The following RIMS1 variants were observed in gnomAD, a reference collection of about 807,000 sequenced individuals.
The protein encoded by RIMS1 is regulating synaptic membrane exocytosis protein 1.
Under a neutral mutation model 214.1 loss-of-function variants are expected in RIMS1, and 83 were observed. The observed-to-expected ratio is 0.39, with a 90% CI of 0.32 to 0.47. The LOEUF (loss-of-function observed/expected upper bound fraction) is 0.47. RIMS1 is among the 20% of genes least tolerant of loss of function. RIMS1 has a pLI of 0.99. For missense variants in RIMS1, 2,050 were observed against 2,161.8 expected (o/e 0.95, Z 1.03); for synonymous variants, 793 against 786.8 (o/e 1.01, Z -0.13).
At chr6:72,137,008 G>A (rs998444440) in intron 4 of RIMS1, among the ~76,000 whole-genome samples, 2 of 151,774 alleles carry the variant, frequency 1.3e-5, no homozygotes, top group Non-Finnish European at 2.9e-5. Flanking sequence ...ATATAATAAG[G>A]CAATAAAATA....
chr6:71,995,514 GTGTT>G (rs919410267), intron 2 of RIMS1, among the ~76,000 whole-genome samples: 8 of 151,208 alleles, frequency 5.3e-5, no homozygotes, highest in African/African-American at 1.5e-4. Context: ...CTGCTTGTTT[GTGTT>G]TGTTTGTGTG....
At chr6:72,131,893 A>T (rs992805420) in intron 4 of RIMS1, among the ~76,000 whole-genome samples, 18 of 152,066 alleles carry the variant, frequency 1.2e-4, no homozygotes, top group Non-Finnish European at 1.6e-4. Flanking sequence ...TTTCCCAGGG[A>T]TGTTCCTTGC....
chr6:72,043,305 A>G (rs1295322182), intron 2 of RIMS1, among the ~76,000 whole-genome samples: 3 of 151,880 alleles, frequency 2.0e-5, no homozygotes, highest in Non-Finnish European at 4.4e-5. Flanking sequence ...TGATAAAGAA[A>G]GAGAAATGTT....
At chr6:72,120,166 C>A (rs555166531) in intron 4 of RIMS1, among the ~76,000 whole-genome samples, 12 of 151,968 alleles carry the variant, frequency 7.9e-5, no homozygotes, top group African/African-American at 2.6e-4. Context: ...TGGGTATATA[C>A]CCAGTAATGG....
intron 1 of RIMS1, among the ~76,000 whole-genome samples, chr6:71,916,017 G>A (rs4706496): frequency 3.9e-5 from 6 of 152,018 alleles, no homozygotes; most frequent in Admixed American, 1.3e-4. Flanking sequence ...ACCTCCCACC[G>A]GGTCCATCCC....
chr6:72,135,834 A>G (rs2041190944), intron 4 of RIMS1, among the ~76,000 whole-genome samples: 1 of 152,192 alleles, frequency 6.6e-6, no homozygotes, highest in African/African-American at 2.4e-5. Context: ...CAGTCAGTCA[A>G]GGTACCTACC....
At chr6:72,183,190 T>G in intron 6 of RIMS1, 41 bp downstream of exon 6, 3 of 1,567,866 alleles carry the variant, frequency 1.9e-6, no homozygotes, top group Non-Finnish European at 2.6e-6. Flanking sequence ...TTCAGCCAAG[T>G]GAAGAGGCGT....
chr6:72,276,814 T>A (rs1280678366), intron 23 of RIMS1, among the ~76,000 whole-genome samples: 1 of 152,216 alleles, frequency 6.6e-6, no homozygotes, highest in Non-Finnish European at 1.5e-5. Context: ...TGGCAAATCG[T>A]AATGAACGTT....
At chr6:72,138,124 G>A (rs1283607484) in intron 4 of RIMS1, among the ~76,000 whole-genome samples, 2 of 151,930 alleles carry the variant, frequency 1.3e-5, no homozygotes, top group Admixed American at 6.6e-5. Context: ...CAAAAAGGTA[G>A]GTAGACTTTC....
At chr6:72,298,592 C>T (rs914491540) in intron 26 of RIMS1, among the ~76,000 whole-genome samples, 1 of 151,942 alleles carries the variant, frequency 6.6e-6, no homozygotes, top group Non-Finnish European at 1.5e-5. Context: ...TTTTTTCACC[C>T]CTGTTTTATT....
chr6:72,343,049 T>C lies in RIMS1; in HGVS notation c.4366+9214T>C, dbSNP rs148650151. ...ATAAAATCCTGCTGAGCAGCACTTATCCAGCTAAGTTTGGATAATGCAAGT... is the reference window on the plus strand; with the variant it reads ...ATAAAATCCTGCTGAGCAGCACTTACCCAGCTAAGTTTGGATAATGCAAGT... On this transcript the variant is annotated intron_variant, in intron 29 of 33. Coordinates refer to ENST00000521978, the MANE Select transcript of RIMS1 (RefSeq NM_014989.7). Among the ~76,000 whole-genome samples, 1,174 of 151,910 alleles carry C rather than the reference T, an allele frequency of 7.7e-3. 9 individuals carry two copies. The highest frequency in any genetic ancestry group is 0.031 in the South Asian group (148 of 4,812).
chr6:72,070,144 G>A (rs370887785), intron 2 of RIMS1, among the ~76,000 whole-genome samples: 1 of 151,764 alleles, frequency 6.6e-6, no homozygotes, highest in East Asian at 1.9e-4. Context: ...AAGATTCTAG[G>A]GACTAATAAT....
intron 29 of RIMS1, among the ~76,000 whole-genome samples, chr6:72,351,325 C>A (rs1369391267): frequency 2.0e-5 from 3 of 152,132 alleles, no homozygotes; most frequent in Admixed American, 2.0e-4. Context: ...TTTATTTTCA[C>A]TCATCACTGA....
intron 29 of RIMS1, among the ~76,000 whole-genome samples, chr6:72,337,204 A>G (rs1365323611): frequency 6.6e-6 from 1 of 151,782 alleles, no homozygotes; most frequent in Non-Finnish European, 1.5e-5. Flanking sequence ...TTAAAATGTA[A>G]AGTTTTTAAT....
chr6:71,942,597 A>G lies in RIMS1; in HGVS notation c.165-26386A>G, dbSNP rs1325864588. Among the ~76,000 whole-genome samples, 4 of 152,252 alleles carry G rather than the reference A, an allele frequency of 2.6e-5. No homozygotes were observed. The East Asian group carries it at 7.7e-4, about 29-fold the overall frequency. On this transcript the variant is annotated intron_variant, in intron 1 of 33. Transcript: ENST00000521978. Reference sequence around the variant, plus strand: ...GTAACATTTGTTAAGCAACACAGAGATACAGGTAGCTCTTTTAGATTCCTG... The same window carrying G: ...GTAACATTTGTTAAGCAACACAGAGGTACAGGTAGCTCTTTTAGATTCCTG...
intron 4 of RIMS1, among the ~76,000 whole-genome samples, chr6:72,121,260 G>T (rs2038239763): frequency 6.6e-6 from 1 of 151,830 alleles, no homozygotes; most frequent in African/African-American, 2.4e-5. Context: ...CCATTCTCAT[G>T]ATATTGATTC....
intron 29 of RIMS1, among the ~76,000 whole-genome samples, chr6:72,383,775 T>A (rs1282284555): frequency 6.6e-6 from 1 of 152,000 alleles, no homozygotes; most frequent in Admixed American, 6.6e-5. Context: ...AGTGATGGCA[T>A]AATCATAGCT....
At chr6:72,367,584 T>C (rs16882346) in intron 29 of RIMS1, among the ~76,000 whole-genome samples, 3,031 of 152,272 alleles carry the variant, frequency 0.02, 84 homozygotes, top group African/African-American at 0.069. Flanking sequence ...AATTTATTTC[T>C]AGAATCATTT....
intron 6 of RIMS1, among the ~76,000 whole-genome samples, chr6:72,194,021 G>A (rs2050475731): frequency 6.6e-6 from 1 of 152,028 alleles, no homozygotes; most frequent in Non-Finnish European, 1.5e-5. Context: ...GTGTTCTATA[G>A]GAATACATTT....
Sources: allele counts gnomAD v4.1 joint callset (sites outside exome capture counted in the v4.1 genomes callset), GRCh38; gene constraint gnomAD v4.1.1; transcripts MANE v1.5; gene names NCBI Gene and HGNC (gene_info 2026-07-23, HGNC 2026-07-21).